PACSIN2: variants seen among roughly 807,000 people sequenced by gnomAD.
PACSIN2 encodes the protein protein kinase C and casein kinase substrate in neurons 2, also known as protein kinase C and casein kinase substrate in neurons protein 2.
PACSIN2 carries 25 observed loss-of-function variants against 63.8 expected under a neutral mutation model. The ratio of observed to expected loss-of-function variants is 0.39; its 90% CI spans 0.29 to 0.55. The LOEUF (loss-of-function observed/expected upper bound fraction) is 0.55. Ranked by LOEUF, PACSIN2 falls within the 20% of genes least tolerant of loss-of-function variation. The probability of loss-of-function intolerance (pLI) is 0.62; values close to 1 mark genes in which losing one functional copy is unlikely to be tolerated. For synonymous variants in PACSIN2, 255 were observed against 256.2 expected (o/e 1.00, Z 0.05); for missense variants, 518 against 646.9 (o/e 0.80, Z 2.16).
At chr22:42,972,897 T>C (rs895188079) in intron 1 of PACSIN2, among the ~76,000 whole-genome samples, 10 of 152,222 alleles carry the variant, frequency 6.6e-5, no homozygotes, top group African/African-American at 2.4e-4. Context: ...TGTGCTTCTT[T>C]ATAACAGCAT....
intron 1 of PACSIN2, among the ~76,000 whole-genome samples, chr22:42,925,328 A>C (rs1932469792): frequency 6.6e-6 from 1 of 151,950 alleles, no homozygotes; most frequent in African/African-American, 2.4e-5. Context: ...AAAAATACAA[A>C]AATTAGCTGT....
intron 1 of PACSIN2, among the ~76,000 whole-genome samples, chr22:42,970,623 A>T (rs1044847261): frequency 1.3e-5 from 2 of 152,280 alleles, no homozygotes; most frequent in Non-Finnish European, 2.9e-5. Context: ...CAAAAGTTTA[A>T]CGAACATTCA....
intron 1 of PACSIN2, among the ~76,000 whole-genome samples, chr22:42,956,530 T>C (rs1262995917): frequency 6.6e-6 from 1 of 152,180 alleles, no homozygotes; most frequent in Non-Finnish European, 1.5e-5. Context: ...CAATAACCCT[T>C]GTCTAATTAC....
chr22:42,923,622 T>A (rs1370951778), intron 1 of PACSIN2, among the ~76,000 whole-genome samples: 1 of 152,062 alleles, frequency 6.6e-6, no homozygotes, highest in Non-Finnish European at 1.5e-5. Context: ...AGAGACGGGG[T>A]TTCACCGTGT....
chr22:42,922,333 A>T (rs1601524460), intron 1 of PACSIN2, among the ~76,000 whole-genome samples: 1 of 152,302 alleles, frequency 6.6e-6, no homozygotes, highest in East Asian at 1.9e-4. Flanking sequence ...TAACACCCTT[A>T]ATTTATTCCA....
chr22:42,956,828 T>G (rs1933936179), intron 1 of PACSIN2, among the ~76,000 whole-genome samples: 1 of 152,118 alleles, frequency 6.6e-6, no homozygotes, highest in Admixed American at 6.5e-5. Context: ...CTTTCTCATC[T>G]TTAAATCTCA....
At chr22:42,969,950 A>AC (rs973354632) in intron 1 of PACSIN2, among the ~76,000 whole-genome samples, 4 of 151,058 alleles carry the variant, frequency 2.6e-5, no homozygotes, top group Non-Finnish European at 2.9e-5. Flanking sequence ...AACTAGAATG[A>AC]CCCCCCGTTT....
rs541188608 is a variant in PACSIN2, at chr22:42,870,301, G to A, written c.*1056C>T. ...CGAGCCTCCCTCCAGCAGGCACCAC[G>A]TCAGAGAGGCCCCAGGCCCACTGAG... On this transcript the variant is annotated 3_prime_UTR_variant, in exon 11 of 11. Coordinates refer to ENST00000263246, the MANE Select transcript of PACSIN2 (RefSeq NM_001184970.3). 2.0e-5 allele frequency: 3 copies of A among 152,304 alleles called. No homozygotes were observed. The highest frequency in any genetic ancestry group is 4.1e-4 in the South Asian group (2 of 4,828). The allele number at this position is 152,304 out of a possible 1,614,324, so 9.4% of individuals were successfully genotyped here.
chr22:42,990,128 T>TA (rs1325602680), intron 1 of PACSIN2, among the ~76,000 whole-genome samples: 1 of 113,210 alleles, frequency 8.8e-6, no homozygotes, highest in Non-Finnish European at 1.8e-5. Flanking sequence ...TAAACAGGTT[T>TA]AAAAAATGAA....
At chr22:43,010,428 G>T (rs1340476805) in intron 1 of PACSIN2, among the ~76,000 whole-genome samples, 1 of 105,350 alleles carries the variant, frequency 9.5e-6, no homozygotes, top group Non-Finnish European at 2.3e-5. Flanking sequence ...AAAAAAGACC[G>T]GCCAGGCACG....
intron 1 of PACSIN2, among the ~76,000 whole-genome samples, chr22:42,940,529 A>T (rs1263180254): frequency 6.6e-6 from 1 of 152,236 alleles, no homozygotes; most frequent in Non-Finnish European, 1.5e-5. Flanking sequence ...AAGGTCAGCC[A>T]GTTACACCAG....
At chr22:42,918,056 G>A (rs555530102) in intron 1 of PACSIN2, among the ~76,000 whole-genome samples, 1 of 152,302 alleles carries the variant, frequency 6.6e-6, no homozygotes, top group Non-Finnish European at 1.5e-5. Context: ...CGTGGTGAGG[G>A]TCAACTGAGA....
chr22:42,926,303 G>A (rs1231615631), intron 1 of PACSIN2, among the ~76,000 whole-genome samples: 1 of 152,182 alleles, frequency 6.6e-6, no homozygotes. Context: ...AGCTCAGCAG[G>A]TCCTAGGCCC....
chr22:42,984,892 G>T (rs769151735), intron 1 of PACSIN2, among the ~76,000 whole-genome samples: 4 of 152,126 alleles, frequency 2.6e-5, no homozygotes, highest in Non-Finnish European at 5.9e-5. Context: ...GCTGGGGAGA[G>T]GTTGGAAAAC....
At chr22:42,906,476 A>T (rs1226730553) in intron 2 of PACSIN2, among the ~76,000 whole-genome samples, 1 of 152,226 alleles carries the variant, frequency 6.6e-6, no homozygotes, top group Non-Finnish European at 1.5e-5. Context: ...TCAGCCAAAC[A>T]TGGCCAAGAC....
chr22:42,916,096 TCTGAACCCCAGTTC>T (rs891120455), intron 1 of PACSIN2, among the ~76,000 whole-genome samples: 1 of 152,160 alleles, frequency 6.6e-6, no homozygotes, highest in Non-Finnish European at 1.5e-5. Flanking sequence ...ATGTAATTTC[TCTGAACCCCAGTTC>T]CTGAGCTGTG....
intron 1 of PACSIN2, among the ~76,000 whole-genome samples, chr22:42,919,503 G>A (rs534839070): frequency 4.6e-5 from 7 of 152,218 alleles, no homozygotes; most frequent in African/African-American, 1.7e-4. Flanking sequence ...GGCTGGGCGT[G>A]GTGGCTCACG....
intron 1 of PACSIN2, chr22:42,993,835 TCCCTGC>T (rs1923214425): frequency 6.6e-6 from 1 of 152,044 alleles, no homozygotes; most frequent in Admixed American, 6.5e-5. Flanking sequence ...AGACATCACT[TCCCTGC>T]CCTCCCACAA....
At chr22:42,949,658 C>A (rs1385018552) in intron 1 of PACSIN2, among the ~76,000 whole-genome samples, 1 of 151,536 alleles carries the variant, frequency 6.6e-6, no homozygotes, top group Admixed American at 6.6e-5. Flanking sequence ...ATACCCAATA[C>A]CCCCACTACA....
Sources: gnomAD v4.1 joint callset for allele counts (sites outside exome capture counted in the v4.1 genomes callset) on GRCh38, gnomAD v4.1.1 for gene constraint, MANE v1.5 for transcripts, NCBI Gene and HGNC (gene_info 2026-07-23, HGNC 2026-07-21) for gene names.